Variants in TAF4 observed in about 807,000 individuals in gnomAD.
The protein encoded by TAF4 is transcription initiation factor TFIID subunit 4.
A neutral mutation model predicts 90.3 loss-of-function variants in TAF4; 9 were observed. The ratio of observed to expected loss-of-function variants is 0.10; its 90% CI spans 0.06 to 0.17. TAF4 has a LOEUF of 0.17. Among genes scored for constraint, TAF4 ranks in the 10% least tolerant of loss-of-function variants. The pLI is 1.00. For synonymous variants in TAF4, 818 were observed against 638.9 expected, an observed-to-expected ratio of 1.28 and a Z score of -4.23; for missense variants, 1,351 against 1,370.7, an observed-to-expected ratio of 0.99 and a Z score of 0.23.
rs148406343 is a variant in TAF4 at position 62,000,617 on chromosome 20, G to A, written c.2591C>T (p.Thr864Met). 70 of 1,614,264 alleles carry A rather than the reference G, an allele frequency of 4.3e-5. No homozygotes were observed. The highest frequency in any genetic ancestry group is 1.6e-4 in the Middle Eastern group (1 of 6,062). The part of the protein sequence containing the change: ...ATNSELVGTL[T>M]RSCKDETFLL... ...GAAGGTTTCATCTTTACAGGACCGC[G>A]TTAGCGTGCCCACCAATTCAGAGTT... The change falls in exon 10 of 15, where the codon ACG (threonine) becomes ATG (methionine). Residue 864 changes from threonine (T) to methionine (M), a missense_variant. Coordinates refer to ENST00000252996, the MANE Select transcript of TAF4 (RefSeq NM_003185.4).
At chr20:62,032,496 C>T (rs1480220265) in intron 1 of TAF4, among the ~76,000 whole-genome samples, 1 of 152,238 alleles carries the variant, frequency 6.6e-6, no homozygotes, top group African/African-American at 2.4e-5. Flanking sequence ...ACAGGCAGCG[C>T]CTGCTGTCTG....
At chr20:62,003,383 A>C in intron 8 of TAF4, 109 bp from the exon 9 acceptor site, 1 of 898,184 alleles carries the variant, frequency 1.1e-6, no homozygotes, top group East Asian at 2.5e-5. Context: ...CTAATTAGCT[A>C]CAAGAAAGTT....
intron 14 of TAF4, among the ~76,000 whole-genome samples, chr20:61,978,061 G>A (rs552606478): frequency 4.1e-4 from 53 of 129,458 alleles, no homozygotes; most frequent in African/African-American, 1.1e-3. Flanking sequence ...AAGGGAGGGC[G>A]CGACACCAAC....
chr20:62,037,049 G>A (rs1057084666), intron 1 of TAF4, among the ~76,000 whole-genome samples: 1 of 152,220 alleles, frequency 6.6e-6, no homozygotes. Context: ...CCGGTGTCTA[G>A]AAGCCTCCCA....
chr20:62,003,799 A>T lies in TAF4; in HGVS notation c.2303T>A (p.Leu768Gln). 1 of 1,609,158 alleles carries T rather than the reference A, an allele frequency of 6.2e-7. No homozygotes were observed. Among genetic ancestry groups the T allele is most frequent in the Non-Finnish European group, 8.5e-7 (1 of 1,179,406 alleles). ...CATGATCCGGTTGTGAGGCTGCCGC[A>T]GGGCGACCATGGGTGTCTGCGTCAA... is the stretch of plus-strand genomic sequence containing the variant. ...VTLTQTPMVA[L>Q]RQPHNRIMLT... The change falls in exon 8 of 15, where the codon CTG becomes CAG. Residue 768 changes from leucine (L) to glutamine (Q), a missense_variant. Around this residue, in one of 9 missense-constraint regions of TAF4, gnomAD observed 202 missense variants for 229.7 expected, o/e 0.88. Transcript: ENST00000252996.
At chr20:62,063,043 C>G (rs1023790802) in intron 1 of TAF4, among the ~76,000 whole-genome samples, 2 of 152,188 alleles carry the variant, frequency 1.3e-5, no homozygotes, top group African/African-American at 4.8e-5. Flanking sequence ...CACATAACAG[C>G]AAAACCAAGC....
At chr20:62,004,011 G>A (rs543359329) in intron 7 of TAF4, 133 bp from the exon 8 acceptor site, 61 of 1,149,652 alleles carry the variant, frequency 5.3e-5, no homozygotes, top group Admixed American at 1.3e-4. Context: ...GGAAGACCCC[G>A]TGTGCAGCTC....
At chr20:61,999,145 TGA>T in intron 11 of TAF4, 37 bp from the exon 12 acceptor site, 1 of 1,608,844 alleles carries the variant, frequency 6.2e-7, no homozygotes, top group Non-Finnish European at 8.5e-7. Flanking sequence ...GTCATAAATC[TGA>T]GAGCCCAGCA....
At chr20:62,047,982 C>T (rs1363979033) in intron 1 of TAF4, among the ~76,000 whole-genome samples, 7 of 152,186 alleles carry the variant, frequency 4.6e-5, no homozygotes, top group Admixed American at 4.6e-4. Flanking sequence ...CCATCCCAGA[C>T]CTAGCTCCCC....
intron 14 of TAF4, among the ~76,000 whole-genome samples, chr20:61,986,929 G>A (rs1485411358): frequency 3.3e-5 from 5 of 152,238 alleles, no homozygotes; most frequent in South Asian, 2.1e-4. Flanking sequence ...GCGTCCTTGC[G>A]AATGCCCACG....
At chr20:61,999,710 C>A (rs2055686677) in intron 11 of TAF4, among the ~76,000 whole-genome samples, 1 of 152,190 alleles carries the variant, frequency 6.6e-6, no homozygotes, top group South Asian at 2.1e-4. Context: ...TTTAAGGAGG[C>A]CAAGTCAGGA....
chr20:62,014,804 G>C, intron 1 of TAF4, 97 bp from the exon 2 acceptor site: 1 of 1,495,554 alleles, frequency 6.7e-7, no homozygotes, highest in Non-Finnish European at 9.0e-7. Flanking sequence ...CTGTGAGAAG[G>C]AAACAAAGGA....
chr20:62,020,829 C>T (rs1385446236), intron 1 of TAF4, among the ~76,000 whole-genome samples: 1 of 152,180 alleles, frequency 6.6e-6, no homozygotes, highest in African/African-American at 2.4e-5. Flanking sequence ...AGAGTGGAAA[C>T]TTGGAAGAAC....
At chr20:62,040,593 C>T (rs975112058) in intron 1 of TAF4, among the ~76,000 whole-genome samples, 9 of 152,246 alleles carry the variant, frequency 5.9e-5, no homozygotes, top group African/African-American at 1.7e-4. Context: ...CGCTCTGCCA[C>T]GCGCCAACTA....
At position 62,003,177 on chromosome 20, in the gene TAF4, A is replaced by C. The variant is rs997485416; in HGVS notation, c.2469T>G (p.Pro823=). 6.2e-7 allele frequency: 1 copy of C among 1,614,030 alleles called. No homozygotes were observed. The highest frequency in any genetic ancestry group is 1.3e-5 in the African/African-American group (1 of 74,906). Residue 823 remains proline, a synonymous_variant, in exon 9 of 15, where the codon CCT becomes CCG. Coordinates refer to ENST00000252996, the MANE Select transcript of TAF4 (RefSeq NM_003185.4). ...TTCCTTACCGAAACGAACCTCCCCC[A>C]GGCTCCTTGAGTTTATTTTTCTGTG... ...AAAQKNKLKE[P]GGGSFRDDDD...
chr20:62,009,314 C>T, intron 4 of TAF4, 140 bp from the exon 5 acceptor site: 2 of 915,008 alleles, frequency 2.2e-6, no homozygotes, highest in Non-Finnish European at 3.1e-6. Flanking sequence ...CGCACCACCT[C>T]TTGGAACCCT....
intron 7 of TAF4, among the ~76,000 whole-genome samples, chr20:62,004,121 C>T (rs1314164130): frequency 6.6e-6 from 1 of 152,148 alleles, no homozygotes; most frequent in Non-Finnish European, 1.5e-5. Flanking sequence ...AAGGGGCAAG[C>T]GGGAGCAGAT....
intron 4 of TAF4, 55 bp downstream of exon 4, chr20:62,009,991 G>A: frequency 6.2e-7 from 1 of 1,605,572 alleles, no homozygotes; most frequent in Non-Finnish European, 8.5e-7. Context: ...TGCATTTTCT[G>A]ACCTGCGCCA....
chr20:62,012,858 G>C lies in TAF4; in HGVS notation c.1598C>G (p.Thr533Arg). The C allele has an allele frequency of 6.2e-7, 1 of 1,614,134 alleles. No individual in the cohort carries two copies. The highest frequency in any genetic ancestry group is 8.5e-7 in the Non-Finnish European group (1 of 1,180,028). The change falls in exon 3 of 15, where the codon ACG becomes AGG. Residue 533 changes from threonine to arginine, a missense_variant. Thr to Arg is a moderately conservative substitution (Grantham distance 71). Coordinates refer to ENST00000252996, the MANE Select transcript of TAF4 (RefSeq NM_003185.4). ...IIKQVSQAQT[T>R]VQPSATLQRS... Reference sequence around the variant, plus strand: ...CTGCAGGGTTGCACTGGGCTGCACCGTTGTCTGGGCCTGAGACACTTGCTT... The same window carrying C: ...CTGCAGGGTTGCACTGGGCTGCACCCTTGTCTGGGCCTGAGACACTTGCTT...
Sources: gnomAD v4.1 joint callset for allele counts (sites outside exome capture counted in the v4.1 genomes callset) on GRCh38, gnomAD v4.1.1 for gene constraint, gnomAD v4.1.1 regional missense constraint, MANE v1.5 for transcripts, NCBI Gene and HGNC (gene_info 2026-07-23, HGNC 2026-07-21) for gene names.